FSTL4: variants seen among roughly 807,000 people sequenced by gnomAD.
FSTL4 encodes follistatin like 4.
Under a neutral mutation model 78.2 loss-of-function variants are expected in FSTL4, and 28 were observed. That is an observed-to-expected ratio of 0.36 (90% CI 0.27 to 0.49). The LOEUF (loss-of-function observed/expected upper bound fraction) is 0.49, where lower values mean the gene tolerates loss of function less well. FSTL4 is among the 20% of genes least tolerant of loss of function. The pLI, the probability that FSTL4 is intolerant of heterozygous loss-of-function variation, is 0.98. For missense variants in FSTL4, 922 were observed against 1,084.9 expected (o/e 0.85, Z 2.11); for synonymous variants, 422 against 440.5 (o/e 0.96, Z 0.53).
chr5:133,435,730 T>G (rs139465323), intron 3 of FSTL4, among the ~76,000 whole-genome samples: 103 of 152,342 alleles, frequency 6.8e-4, no homozygotes, highest in African/African-American at 2.5e-3. Flanking sequence ...TATTTTTCCT[T>G]TTATTCCTAA....
the FSTL4 span, among the ~76,000 whole-genome samples, chr5:133,824,271 A>G: frequency 2.0e-5 from 3 of 152,190 alleles, no homozygotes; most frequent in Non-Finnish European, 4.4e-5. Flanking sequence ...TGATGGACCC[A>G]CTATAAATGA....
chr5:133,773,110 T>A, the FSTL4 span, among the ~76,000 whole-genome samples: 1 of 151,990 alleles, frequency 6.6e-6, no homozygotes, highest in Admixed American at 6.6e-5. Flanking sequence ...TGGGAAAAAA[T>A]TATAACACAA....
chr5:133,535,604 C>A (rs1033894463), intron 3 of FSTL4, among the ~76,000 whole-genome samples: 1 of 152,192 alleles, frequency 6.6e-6, no homozygotes, highest in Non-Finnish European at 1.5e-5. Flanking sequence ...CTGTTCAGGG[C>A]TCTCAGCTCT....
At chr5:133,644,577 G>A in the FSTL4 span, among the ~76,000 whole-genome samples, 5 of 152,252 alleles carry the variant, frequency 3.3e-5, no homozygotes, top group East Asian at 1.9e-4. Context: ...GCTGACCTGG[G>A]AGGACAGCTT....
chr5:133,608,505 TG>T (rs985957565), intron 1 of FSTL4, among the ~76,000 whole-genome samples: 1 of 152,244 alleles, frequency 6.6e-6, no homozygotes. Flanking sequence ...AGGCCTAAAC[TG>T]GAACCCAGGC....
At chr5:133,278,962 A>C (rs1388719699) in intron 6 of FSTL4, among the ~76,000 whole-genome samples, 1 of 152,220 alleles carries the variant, frequency 6.6e-6, no homozygotes, top group Admixed American at 6.5e-5. Flanking sequence ...ATGTAGCTGC[A>C]CATGTGTTTT....
rs28099 is a variant in FSTL4 at position 133,426,716 on chromosome 5, T to C, written c.161-25730A>G. The stretch of plus-strand genomic sequence containing the variant: ...TGGCTGGAGGCACAAGCCTCAGTCC[T>C]GTTATTTCCCAGGGAGACAGTCAGC... On this transcript the variant is annotated intron_variant, in intron 3 of 15. Coordinates refer to ENST00000265342, the MANE Select transcript of FSTL4 (RefSeq NM_015082.2). The surrounding 1 kb of genome is among the most constrained non-coding windows in gnomAD (Gnocchi z 5.0). Among the ~76,000 whole-genome samples the C allele has an allele frequency of 0.3, 46,251 of 152,014 alleles. 7,704 individuals are homozygous for C. The highest frequency in any genetic ancestry group is 0.47 in the East Asian group (2,413 of 5,154).
At chr5:133,304,154 A>C (rs1460009734) in intron 6 of FSTL4, among the ~76,000 whole-genome samples, 2 of 152,244 alleles carry the variant, frequency 1.3e-5, no homozygotes, top group African/African-American at 4.8e-5. Context: ...AAGTCCTCAC[A>C]AAAGCTTTGC....
chr5:133,435,253 A>G (rs1244850838), intron 3 of FSTL4, among the ~76,000 whole-genome samples: 1 of 152,274 alleles, frequency 6.6e-6, no homozygotes, highest in Non-Finnish European at 1.5e-5. Context: ...ACCATTTCCC[A>G]AGTGATTTCT....
At chr5:133,647,429 C>T in the FSTL4 span, among the ~76,000 whole-genome samples, 1 of 152,186 alleles carries the variant, frequency 6.6e-6, no homozygotes, top group African/African-American at 2.4e-5. Context: ...AACTACTATT[C>T]TGCCTTCCAG....
the FSTL4 span, among the ~76,000 whole-genome samples, chr5:133,678,831 A>C: frequency 6.6e-6 from 1 of 152,124 alleles, no homozygotes; most frequent in Non-Finnish European, 1.5e-5. Flanking sequence ...GGCCTGGAGA[A>C]GTCAGTATTT....
chr5:133,385,084 C>CA (rs1163645725), intron 4 of FSTL4, among the ~76,000 whole-genome samples: 2 of 152,120 alleles, frequency 1.3e-5, no homozygotes, highest in African/African-American at 4.8e-5. Context: ...TTACAATAGG[C>CA]AGGGGGTGTG....
chr5:133,716,361 C>A, the FSTL4 span, among the ~76,000 whole-genome samples: 2 of 149,726 alleles, frequency 1.3e-5, no homozygotes, highest in Non-Finnish European at 3.0e-5. Context: ...TGTGCCTCAT[C>A]AGTTTATATA....
the FSTL4 span, among the ~76,000 whole-genome samples, chr5:133,708,928 T>A: frequency 6.6e-6 from 1 of 152,222 alleles, no homozygotes; most frequent in Non-Finnish European, 1.5e-5. Flanking sequence ...GCAAGGGACT[T>A]GATGGCTGTA....
chr5:133,453,506 C>T (rs987106812), intron 3 of FSTL4, among the ~76,000 whole-genome samples: 1 of 152,194 alleles, frequency 6.6e-6, no homozygotes, highest in Non-Finnish European at 1.5e-5. Flanking sequence ...TATCTCAAGG[C>T]AAGTCCCTCC....
the FSTL4 span, among the ~76,000 whole-genome samples, chr5:133,631,020 G>A: frequency 5.3e-5 from 8 of 152,054 alleles, no homozygotes; most frequent in Admixed American, 2.0e-4. Context: ...AGACTTAAAC[G>A]TAAAACCTAA....
At chr5:133,224,842 T>C (rs904359642) in intron 10 of FSTL4, among the ~76,000 whole-genome samples, 5 of 152,180 alleles carry the variant, frequency 3.3e-5, no homozygotes, top group African/African-American at 7.2e-5. Context: ...GGGCAGAGGT[T>C]CAGGGCATAC....
the FSTL4 span, among the ~76,000 whole-genome samples, chr5:133,786,468 G>A: frequency 1.3e-5 from 2 of 152,100 alleles, no homozygotes; most frequent in African/African-American, 2.4e-5. Context: ...CTATGTCCTC[G>A]TATAAAGTCT....
At chr5:133,466,609 C>T (rs1232944178) in intron 3 of FSTL4, among the ~76,000 whole-genome samples, 3 of 152,106 alleles carry the variant, frequency 2.0e-5, no homozygotes. Flanking sequence ...CATCCATCCA[C>T]CCATCTACCA....
Sources: allele counts gnomAD v4.1 joint callset (sites outside exome capture counted in the v4.1 genomes callset), GRCh38; gene constraint gnomAD v4.1.1; non-coding constraint Gnocchi (gnomAD v3.1); transcripts MANE v1.5; gene names NCBI Gene and HGNC (gene_info 2026-07-23, HGNC 2026-07-21).